The following MEIKIN variants were observed in gnomAD, a reference collection of about 807,000 sequenced individuals.
The protein encoded by MEIKIN is meiosis-specific kinetochore protein.
At chr5:131,889,340 C>A (rs139773297) in intron 8 of MEIKIN, among the ~76,000 whole-genome samples, 2 of 152,046 alleles carry the variant, frequency 1.3e-5, no homozygotes, top group Non-Finnish European at 2.9e-5. Flanking sequence ...TTCCTACCCA[C>A]GAGCATGGAA....
At chr5:131,865,918 G>A (rs906548968) in intron 9 of MEIKIN, among the ~76,000 whole-genome samples, 2 of 152,222 alleles carry the variant, frequency 1.3e-5, no homozygotes, top group African/African-American at 2.4e-5. Context: ...GGCCTCAGTG[G>A]CAGCAGTGGT....
In MEIKIN at chr5:131,934,854, G is replaced by C. The variant is rs184149067; in HGVS notation, c.350-1213C>G. ...AGGCAGATCACGAGGTCAAGAGATA[G>C]AGACCATCCTGGCCAACATGGTGAA... On this transcript the variant is annotated intron_variant, in intron 4 of 12. Transcript: ENST00000442687. Among the ~76,000 whole-genome samples, 21 of 151,774 alleles carry C rather than the reference G, an allele frequency of 1.4e-4. No individual in the cohort carries two copies. The East Asian group carries it at 3.7e-3, about 27-fold the overall frequency.
At chr5:131,892,718 C>T (rs866044791) in intron 8 of MEIKIN, among the ~76,000 whole-genome samples, 2 of 152,352 alleles carry the variant, frequency 1.3e-5, no homozygotes, top group South Asian at 2.1e-4. Flanking sequence ...CTCAACTCGT[C>T]AAAGTCATTG....
intron 9 of MEIKIN, among the ~76,000 whole-genome samples, chr5:131,859,082 C>T (rs1204195681): frequency 2.0e-5 from 3 of 152,176 alleles, no homozygotes; most frequent in African/African-American, 7.2e-5. Context: ...TGGGTATATA[C>T]TCAAAGGAAT....
At chr5:131,887,293 T>A (rs1351597732) in intron 8 of MEIKIN, among the ~76,000 whole-genome samples, 1 of 152,062 alleles carries the variant, frequency 6.6e-6, no homozygotes, top group Admixed American at 6.6e-5. Context: ...AATAAACATA[T>A]TGTTTATATG....
intron 6 of MEIKIN, among the ~76,000 whole-genome samples, chr5:131,917,540 T>G (rs1367761376): frequency 2.3e-5 from 3 of 132,412 alleles, no homozygotes; most frequent in Admixed American, 8.7e-5. Flanking sequence ...CACTCCAGCC[T>G]GGGCAAGAGT....
At chr5:131,927,896 A>G (rs1300375725) in intron 5 of MEIKIN, among the ~76,000 whole-genome samples, 3 of 152,172 alleles carry the variant, frequency 2.0e-5, no homozygotes, top group Admixed American at 6.5e-5. Flanking sequence ...CTGTAATCCC[A>G]GCACTTTGGG....
At chr5:131,826,548 T>C (rs980691641) in intron 11 of MEIKIN, among the ~76,000 whole-genome samples, 21 of 152,204 alleles carry the variant, frequency 1.4e-4, no homozygotes, top group African/African-American at 4.8e-4. Context: ...AGAGTAGCCA[T>C]GATTGATAGA....
At chr5:131,910,899 C>A (rs562018053) in intron 8 of MEIKIN, among the ~76,000 whole-genome samples, 1 of 152,210 alleles carries the variant, frequency 6.6e-6, no homozygotes, top group African/African-American at 2.4e-5. Flanking sequence ...ATATTTTCCA[C>A]AGCTAAAGCA....
chr5:131,884,791 G>C (rs970482065), intron 8 of MEIKIN, among the ~76,000 whole-genome samples: 3 of 151,458 alleles, frequency 2.0e-5, no homozygotes, highest in African/African-American at 7.3e-5. Context: ...CTGGGCCAGA[G>C]AGGAGTCCAC....
chr5:131,913,780 C>A (rs1751366008), intron 7 of MEIKIN, among the ~76,000 whole-genome samples: 1 of 152,208 alleles, frequency 6.6e-6, no homozygotes, highest in African/African-American at 2.4e-5. Flanking sequence ...TCTAAGACAA[C>A]ATGAAAACCA....
chr5:131,871,686 G>C (rs892454710), intron 9 of MEIKIN, among the ~76,000 whole-genome samples: 1 of 152,216 alleles, frequency 6.6e-6, no homozygotes, highest in African/African-American at 2.4e-5. Context: ...ATCTGAGAAT[G>C]GGTAGACTGC....
chr5:131,849,133 A>G (rs752552012), intron 11 of MEIKIN, among the ~76,000 whole-genome samples: 3 of 152,034 alleles, frequency 2.0e-5, no homozygotes, highest in Non-Finnish European at 4.4e-5. Context: ...GTAATCCCCA[A>G]TGTTGGAGGT....
At chr5:131,812,397 T>C (rs1381380396) in intron 12 of MEIKIN, among the ~76,000 whole-genome samples, 1 of 152,012 alleles carries the variant, frequency 6.6e-6, no homozygotes, top group Non-Finnish European at 1.5e-5. Context: ...TGGTGACACA[T>C]ATATACATTA....
intron 11 of MEIKIN, among the ~76,000 whole-genome samples, chr5:131,838,444 A>G (rs995352260): frequency 3.3e-5 from 5 of 151,922 alleles, no homozygotes; most frequent in African/African-American, 1.2e-4. Context: ...GATCTTCTTT[A>G]TACTTTTGGC....
intron 5 of MEIKIN, among the ~76,000 whole-genome samples, chr5:131,931,478 G>A (rs1419169411): frequency 6.6e-6 from 1 of 152,164 alleles, no homozygotes; most frequent in East Asian, 1.9e-4. Context: ...AGACAGGCAA[G>A]ACCGAAATCA....
chr5:131,858,320 A>G (rs1017303825), intron 9 of MEIKIN, among the ~76,000 whole-genome samples: 3 of 152,236 alleles, frequency 2.0e-5, no homozygotes, highest in African/African-American at 7.2e-5. Context: ...AAAGCTGACA[A>G]AAACAAGCAA....
At chr5:131,836,735 T>C (rs1749815400) in intron 11 of MEIKIN, among the ~76,000 whole-genome samples, 1 of 151,876 alleles carries the variant, frequency 6.6e-6, no homozygotes, top group Non-Finnish European at 1.5e-5. Flanking sequence ...CGTCCACTTT[T>C]TAATGTTTTT....
intron 9 of MEIKIN, among the ~76,000 whole-genome samples, chr5:131,857,260 A>T (rs1750211241): frequency 6.6e-6 from 1 of 152,214 alleles, no homozygotes; most frequent in Admixed American, 6.5e-5. Flanking sequence ...TTTCAACTTG[A>T]AAAAAAGATT....
Sources: gnomAD v4.1 joint callset for allele counts (sites outside exome capture counted in the v4.1 genomes callset) on GRCh38, gnomAD v4.1.1 for gene constraint, MANE v1.5 for transcripts, NCBI Gene and HGNC (gene_info 2026-07-23, HGNC 2026-07-21) for gene names.